Variants in R3HDM1 observed in about 807,000 individuals in gnomAD.
The protein encoded by R3HDM1 is R3H domain-containing protein 1.
A neutral mutation model predicts 141.1 loss-of-function variants in R3HDM1; 46 were observed. The observed-to-expected ratio is 0.33, with a 90% CI of 0.26 to 0.42. The LOEUF (loss-of-function observed/expected upper bound fraction) is 0.42, where lower values mean the gene tolerates loss of function less well. R3HDM1 is among the 10% of genes least tolerant of loss of function. The probability of loss-of-function intolerance (pLI) is 1.00; values close to 1 mark genes in which losing one functional copy is unlikely to be tolerated. For synonymous variants in R3HDM1, 435 were observed against 472.9 expected (o/e 0.92, Z 1.04); for missense variants, 1,184 against 1,368.3 (o/e 0.87, Z 2.12).
At chr2:135,699,045 A>AGATATATT (rs202144929) in intron 21 of R3HDM1, among the ~76,000 whole-genome samples, 1 of 129,826 alleles carries the variant, frequency 7.7e-6, no homozygotes, top group Non-Finnish European at 1.6e-5. Flanking sequence ...ATAGATAGAT[A>AGATATATT]AGATAGATAA....
chr2:135,572,698 G>A (rs1279863352), intron 1 of R3HDM1, among the ~76,000 whole-genome samples: 4 of 152,100 alleles, frequency 2.6e-5, no homozygotes, highest in African/African-American at 7.3e-5. Context: ...ACAAAAATTT[G>A]CATAATACAT....
chr2:135,555,756 T>C (rs1300637988), intron 1 of R3HDM1, among the ~76,000 whole-genome samples: 1 of 151,986 alleles, frequency 6.6e-6, no homozygotes, highest in Admixed American at 6.6e-5. Flanking sequence ...GCCAGGCGAG[T>C]GGCTCATATC....
Position 135,680,290 on chromosome 2 carries a change from A to G in R3HDM1, c.2425A>G (p.Ser809Gly). The change falls in exon 21 of 27, where the codon AGT becomes GGT. Residue 809 changes from serine to glycine, a missense_variant. Transcript: ENST00000683871. ...MPTTGMPVYY[S>G]VIPPGQQNNL... ...CACAACAGGAATGCCTGTTTACTAT[A>G]GTGTCATTCCACCTGGTCAACAAAA... The G allele has an allele frequency of 1.2e-6, 2 of 1,614,062 alleles. No individual in the cohort carries two copies. The highest frequency in any genetic ancestry group is 1.7e-6 in the Non-Finnish European group (2 of 1,179,958).
At position 135,724,183 on chromosome 2, in the gene R3HDM1, C is replaced by T. The variant is rs1357837777; in HGVS notation, c.3296C>T (p.Ala1099Val). The stretch of plus-strand genomic sequence containing the variant: ...TTAGCCACATTCCCCTCCATTTCAG[C>T]TGCACAGAATGCACTGAAGAAACAA... ...TVLATFPSIS[A>V]AQNALKKQIN... Residue 1099 changes from alanine (A) to valine (V), a missense_variant, in exon 27 of 27, where the codon GCT (alanine) becomes GTT (valine). Physicochemically the swap from Ala to Val is moderately conservative, Grantham distance 64. Transcript: ENST00000683871. 1 of 1,613,908 alleles carries T rather than the reference C, an allele frequency of 6.2e-7. No individual in the cohort carries two copies. The highest frequency in any genetic ancestry group is 1.3e-5 in the African/African-American group (1 of 75,030).
chr2:135,630,281 C>CAA (rs911009655), intron 7 of R3HDM1, among the ~76,000 whole-genome samples: 714 of 39,314 alleles, frequency 0.018, 143 homozygotes, highest in African/African-American at 0.059. Flanking sequence ...CCTTCTCAAC[C>CAA]AAAAAAAAAA....
intron 16 of R3HDM1, among the ~76,000 whole-genome samples, chr2:135,648,777 A>T (rs977249411): frequency 5.8e-5 from 7 of 121,022 alleles, no homozygotes; most frequent in South Asian, 4.7e-4. Context: ...TTACAACTTT[A>T]AAAAAAAAAA....
intron 21 of R3HDM1, among the ~76,000 whole-genome samples, chr2:135,705,315 A>G (rs1211350106): frequency 1.3e-5 from 2 of 152,248 alleles, no homozygotes; most frequent in African/African-American, 4.8e-5. Context: ...AGACTCATAT[A>G]ACGAATAACA....
intron 1 of R3HDM1, among the ~76,000 whole-genome samples, chr2:135,563,004 T>C (rs1194728660): frequency 1.3e-5 from 2 of 152,220 alleles, no homozygotes; most frequent in East Asian, 3.8e-4. Context: ...TTATGAAAAG[T>C]ATTCCAGTTT....
At chr2:135,722,226 A>T (rs759256617) in intron 25 of R3HDM1, among the ~76,000 whole-genome samples, 2 of 152,194 alleles carry the variant, frequency 1.3e-5, no homozygotes, top group Non-Finnish European at 2.9e-5. Context: ...TGCCACCCAA[A>T]GACAAGGCAG....
chr2:135,703,940 C>G (rs2074554862), intron 21 of R3HDM1, among the ~76,000 whole-genome samples: 1 of 152,118 alleles, frequency 6.6e-6, no homozygotes, highest in African/African-American at 2.4e-5. Context: ...GACTACAAGC[C>G]TAGTTGAGCA....
chr2:135,666,959 C>T (rs2067610577), intron 19 of R3HDM1: 1 of 286,242 alleles, frequency 3.5e-6, no homozygotes. Flanking sequence ...CACAGTGCTT[C>T]TATTGTACAA....
intron 21 of R3HDM1, among the ~76,000 whole-genome samples, chr2:135,683,291 C>T (rs2070666992): frequency 1.3e-5 from 2 of 152,114 alleles, no homozygotes; most frequent in Admixed American, 6.5e-5. Context: ...CAGTGGCTCA[C>T]GCCTGTAATC....
intron 16 of R3HDM1, among the ~76,000 whole-genome samples, chr2:135,647,647 AGACTCAAAAGT>A (rs1223105449): frequency 6.6e-6 from 1 of 152,232 alleles, no homozygotes; most frequent in African/African-American, 2.4e-5. Context: ...CCAGAAACAG[AGACTCAAAAGT>A]GATTCTCAAT....
intron 1 of R3HDM1, among the ~76,000 whole-genome samples, chr2:135,558,749 A>G (rs1701235508): frequency 6.6e-6 from 1 of 152,182 alleles, no homozygotes; most frequent in African/African-American, 2.4e-5. Flanking sequence ...GGGGAGATTT[A>G]GGGATGAACA....
chr2:135,550,599 G>C (rs1699651809), intron 1 of R3HDM1, among the ~76,000 whole-genome samples: 1 of 152,168 alleles, frequency 6.6e-6, no homozygotes, highest in Admixed American at 6.5e-5. Context: ...TCTTGTTTGT[G>C]AAAGTCACAC....
Position 135,638,520 on chromosome 2 carries a change from A to G in R3HDM1, c.904-98A>G, listed in dbSNP as rs1405716083. 4 of 1,249,012 alleles carry G rather than the reference A, an allele frequency of 3.2e-6. No homozygotes were observed. The Admixed American group carries it at 6.2e-5, about 19-fold the overall frequency. 77.4% of individuals were successfully genotyped at this position (1,249,012 alleles called of 1,614,324 possible). On this transcript the variant is annotated intron_variant, in intron 11 of 26. Transcript: ENST00000683871. ...ACCCTTATCACCATTTTTAACTTAC[A>G]TTATTACACATGATTTTTGTTGTCA...
At chr2:135,707,940 G>C (rs2075148039) in intron 21 of R3HDM1, among the ~76,000 whole-genome samples, 1 of 152,002 alleles carries the variant, frequency 6.6e-6, no homozygotes, top group African/African-American at 2.4e-5. Flanking sequence ...AAGGCATAAA[G>C]CTTTACTAAT....
intron 1 of R3HDM1, among the ~76,000 whole-genome samples, chr2:135,573,209 G>A (rs1704550621): frequency 6.6e-6 from 1 of 152,190 alleles, no homozygotes; most frequent in Admixed American, 6.5e-5. Context: ...CTTCCAAATA[G>A]CTAAAGACAG....
At chr2:135,620,408 G>T in intron 5 of R3HDM1, 1 of 857,370 alleles carries the variant, frequency 1.2e-6, no homozygotes, top group Non-Finnish European at 1.4e-6. Context: ...TGAGTGTAAG[G>T]AAGTTGCCAG....
Sources: allele counts gnomAD v4.1 joint callset (sites outside exome capture counted in the v4.1 genomes callset), GRCh38; gene constraint gnomAD v4.1.1; transcripts MANE v1.5; gene names NCBI Gene and HGNC (gene_info 2026-07-23, HGNC 2026-07-21).